Variants in ITGA8 observed in about 807,000 individuals in gnomAD.
The protein encoded by ITGA8 is integrin subunit alpha 8, also known as integrin alpha-8.
Under a neutral mutation model 142.3 loss-of-function variants are expected in ITGA8, and 91 were observed. That is an observed-to-expected ratio of 0.64 (90% CI 0.54 to 0.76). The LOEUF is 0.76. Ranked by LOEUF, ITGA8 falls within the 30% of genes least tolerant of loss-of-function variation. ITGA8 has a pLI of 0.00. For missense variants in ITGA8, 1,406 were observed against 1,327.7 expected (o/e 1.06, Z -0.92); for synonymous variants, 505 against 485.2 (o/e 1.04, Z -0.54).
intron 6 of ITGA8, among the ~76,000 whole-genome samples, chr10:15,673,011 A>G (rs916714745): frequency 5.9e-5 from 9 of 152,342 alleles, no homozygotes; most frequent in African/African-American, 2.2e-4. Flanking sequence ...TCCAAATGAT[A>G]AAAGTATCCA....
At chr10:15,657,901 G>C (rs1195673125) in intron 10 of ITGA8, among the ~76,000 whole-genome samples, 1 of 152,146 alleles carries the variant, frequency 6.6e-6, no homozygotes, top group Non-Finnish European at 1.5e-5. Context: ...ATGGAGGCCT[G>C]AATCTATATC....
chr10:15,715,551 T>C (rs538966895), intron 2 of ITGA8, among the ~76,000 whole-genome samples: 7 of 152,352 alleles, frequency 4.6e-5, no homozygotes, highest in Admixed American at 1.3e-4. Flanking sequence ...ATACCTTTGA[T>C]GTCAGTTTCC....
chr10:15,701,274 A>G (rs1391822524), intron 2 of ITGA8, among the ~76,000 whole-genome samples: 1 of 152,200 alleles, frequency 6.6e-6, no homozygotes, highest in East Asian at 1.9e-4. Flanking sequence ...ATTGGCTTTT[A>G]TATTTTCATG....
intron 24 of ITGA8, among the ~76,000 whole-genome samples, chr10:15,573,833 C>T (rs559119771): frequency 8.6e-5 from 13 of 151,616 alleles, no homozygotes; most frequent in South Asian, 2.1e-4. Context: ...CCCTTGAAAA[C>T]GAATAGGAAT....
intron 13 of ITGA8, among the ~76,000 whole-genome samples, chr10:15,641,281 T>C (rs1833867626): frequency 6.6e-6 from 1 of 152,146 alleles, no homozygotes; most frequent in Non-Finnish European, 1.5e-5. Context: ...ATAGAAGTGA[T>C]TGCAAGATCA....
intron 14 of ITGA8, among the ~76,000 whole-genome samples, chr10:15,614,212 C>G (rs1049502789): frequency 2.6e-5 from 4 of 152,100 alleles, no homozygotes; most frequent in African/African-American, 4.8e-5. Context: ...TTTGTGAGTA[C>G]TTGAAGTTTG....
At chr10:15,643,656 C>A (rs1381546022) in intron 13 of ITGA8, among the ~76,000 whole-genome samples, 1 of 152,156 alleles carries the variant, frequency 6.6e-6, no homozygotes, top group Admixed American at 6.5e-5. Flanking sequence ...ATAATAGGAG[C>A]TATGAGCTCA....
chr10:15,610,957 C>G (rs892430253), intron 15 of ITGA8, among the ~76,000 whole-genome samples: 1 of 151,952 alleles, frequency 6.6e-6, no homozygotes, highest in Non-Finnish European at 1.5e-5. Flanking sequence ...TGGCTTTTTT[C>G]CCCCTTTTTC....
At chr10:15,609,195 G>C (rs1001188689) in intron 15 of ITGA8, among the ~76,000 whole-genome samples, 2 of 152,148 alleles carry the variant, frequency 1.3e-5, no homozygotes, top group African/African-American at 4.8e-5. Flanking sequence ...TTTGTTGAAT[G>C]AAAGTGCTCA....
At chr10:15,675,738 A>G (rs967672190) in intron 6 of ITGA8, among the ~76,000 whole-genome samples, 2 of 151,986 alleles carry the variant, frequency 1.3e-5, no homozygotes, top group African/African-American at 4.8e-5. Context: ...ACATCTTCTT[A>G]CTCTAGCTAA....
intron 22 of ITGA8, among the ~76,000 whole-genome samples, chr10:15,590,028 G>A (rs1832899189): frequency 1.3e-5 from 2 of 152,170 alleles, no homozygotes; most frequent in African/African-American, 2.4e-5. Context: ...CTCCCAAAAT[G>A]CTGGGATTAC....
At chr10:15,552,024 C>T (rs966993957) in intron 26 of ITGA8, among the ~76,000 whole-genome samples, 2 of 152,070 alleles carry the variant, frequency 1.3e-5, no homozygotes, top group Admixed American at 6.5e-5. Flanking sequence ...GACCCTGCAA[C>T]GCAAATACAT....
chr10:15,523,379 T>A (rs1833105025), intron 28 of ITGA8, among the ~76,000 whole-genome samples: 1 of 152,186 alleles, frequency 6.6e-6, no homozygotes, highest in South Asian at 2.1e-4. Context: ...AGGATATGAT[T>A]CTTAGGGTCT....
chr10:15,585,948 A>AT (rs978703151), intron 23 of ITGA8, among the ~76,000 whole-genome samples: 67 of 149,844 alleles, frequency 4.5e-4, no homozygotes, highest in Admixed American at 2.1e-3. Flanking sequence ...GAGAATTGAG[A>AT]TTTTTTTTCA....
At chr10:15,563,915 C>T (rs1181888797) in intron 25 of ITGA8, among the ~76,000 whole-genome samples, 2 of 124,116 alleles carry the variant, frequency 1.6e-5, no homozygotes, top group Non-Finnish European at 3.4e-5. Flanking sequence ...GTGAGGCTGT[C>T]TCCAAAAAAA....
intron 8 of ITGA8, among the ~76,000 whole-genome samples, chr10:15,669,854 G>C (rs925375176): frequency 6.6e-6 from 1 of 152,196 alleles, no homozygotes; most frequent in Non-Finnish European, 1.5e-5. Flanking sequence ...AGATGCTGCT[G>C]CCTGATCGTT....
chr10:15,689,260 C>T (rs1834888592), intron 2 of ITGA8, among the ~76,000 whole-genome samples: 1 of 151,966 alleles, frequency 6.6e-6, no homozygotes, highest in South Asian at 2.1e-4. Context: ...TGCTCCCTTA[C>T]AAAAAAGGAC....
intron 26 of ITGA8, among the ~76,000 whole-genome samples, chr10:15,551,000 C>G (rs1336166428): frequency 6.6e-6 from 1 of 151,998 alleles, no homozygotes; most frequent in Non-Finnish European, 1.5e-5. Flanking sequence ...GACATGATGA[C>G]TACACAGAGG....
At chr10:15,666,760 G>C (rs1188704471) in intron 8 of ITGA8, among the ~76,000 whole-genome samples, 2 of 152,162 alleles carry the variant, frequency 1.3e-5, no homozygotes, top group Non-Finnish European at 2.9e-5. Context: ...GGCCTTTTCT[G>C]CATCTATTGA....
Sources: allele counts gnomAD v4.1 joint callset (sites outside exome capture counted in the v4.1 genomes callset), GRCh38; gene constraint gnomAD v4.1.1; transcripts MANE v1.5; gene names NCBI Gene and HGNC (gene_info 2026-07-23, HGNC 2026-07-21).